The following FBXW8 variants were observed in gnomAD, a reference collection of about 807,000 sequenced individuals.
FBXW8 encodes the protein F-box/WD repeat-containing protein 8.
A neutral mutation model predicts 65.3 loss-of-function variants in FBXW8; 57 were observed. The observed-to-expected ratio is 0.87, with a 90% CI of 0.71 to 1.09. The LOEUF is 1.09. FBXW8 is among the 50% of genes least tolerant of loss of function. The probability of loss-of-function intolerance (pLI) is 0.00; values close to 1 mark genes in which losing one functional copy is unlikely to be tolerated. For missense variants in FBXW8, 777 were observed against 814.8 expected (o/e 0.95, Z 0.57); for synonymous variants, 308 against 330.2 (o/e 0.93, Z 0.73).
chr12:116,970,772 G>A (rs1884603671), intron 5 of FBXW8, among the ~76,000 whole-genome samples: 1 of 152,138 alleles, frequency 6.6e-6, no homozygotes, highest in Admixed American at 6.5e-5. Context: ...CATTGCTTGC[G>A]AGAAGGCTAA....
At chr12:116,970,951 T>A (rs1884612572) in intron 5 of FBXW8, among the ~76,000 whole-genome samples, 1 of 152,166 alleles carries the variant, frequency 6.6e-6, no homozygotes, top group African/African-American at 2.4e-5. Flanking sequence ...CAAAACAGAA[T>A]GAGACAACTT....
At chr12:116,968,990 C>T (rs953128685) in intron 5 of FBXW8, among the ~76,000 whole-genome samples, 3 of 152,082 alleles carry the variant, frequency 2.0e-5, no homozygotes, top group Non-Finnish European at 4.4e-5. Flanking sequence ...TTCTACCTAA[C>T]TGGTTTGAGG....
intron 7 of FBXW8, among the ~76,000 whole-genome samples, chr12:117,009,735 C>A (rs913743687): frequency 2.6e-5 from 4 of 152,128 alleles, no homozygotes; most frequent in African/African-American, 4.8e-5. Flanking sequence ...TACTTTCATA[C>A]CCTATGGAAC....
rs879045585 is a variant in FBXW8 at position 117,028,172 on chromosome 12, G to A, written c.1797G>A (p.Ter599=). The change falls in exon 11 of 11, where the codon TAG becomes TAA. Residue 599 remains the stop codon, a stop_retained_variant. Transcript: ENST00000652555. This position sits in a 1 kb window ranked among gnomAD's most constrained non-coding sequence, Gnocchi z 4.1. ...LALAFPYNHV[*] Reference sequence around the variant, plus strand: ...TGGCCTTTCCCTATAACCATGTTTAGGGATGTGCCTCAGTTGGGAGCAAGG... The same window carrying A: ...TGGCCTTTCCCTATAACCATGTTTAAGGATGTGCCTCAGTTGGGAGCAAGG... The A allele has an allele frequency of 6.8e-6, 11 of 1,613,774 alleles. No individual in the cohort carries two copies. The highest frequency in any genetic ancestry group is 6.6e-5 in the South Asian group (6 of 91,080).
At chr12:116,960,051 T>A (rs921955466) in intron 4 of FBXW8, among the ~76,000 whole-genome samples, 12 of 152,228 alleles carry the variant, frequency 7.9e-5, no homozygotes, top group Non-Finnish European at 1.5e-5. Flanking sequence ...CATAGTGGCA[T>A]CTTAATTGGT....
At chr12:117,026,586 C>T (rs538443441) in intron 9 of FBXW8, among the ~76,000 whole-genome samples, 6 of 147,264 alleles carry the variant, frequency 4.1e-5, no homozygotes, top group South Asian at 2.2e-4. Context: ...ACACAGGCCT[C>T]GTCCCCTCCT....
At chr12:117,000,422 T>A (rs573303885) in intron 7 of FBXW8, among the ~76,000 whole-genome samples, 1 of 152,240 alleles carries the variant, frequency 6.6e-6, no homozygotes, top group Non-Finnish European at 1.5e-5. Context: ...AAAGGCAGTA[T>A]AGGTAGAGCA....
intron 8 of FBXW8, among the ~76,000 whole-genome samples, chr12:117,022,868 T>C (rs2135724453): frequency 6.6e-6 from 1 of 152,346 alleles, no homozygotes; most frequent in East Asian, 1.9e-4. Flanking sequence ...ATGCATAGCA[T>C]ATATTTTTAC....
intron 6 of FBXW8, 154 bp downstream of exon 6, chr12:116,985,556 G>A (rs776784141): frequency 2.8e-6 from 2 of 713,956 alleles, no homozygotes; most frequent in Non-Finnish European, 4.5e-6. Context: ...AAAATAGGTA[G>A]TAGCATTTTC....
At chr12:117,026,872 G>A (rs1954245118) in intron 9 of FBXW8, among the ~76,000 whole-genome samples, 1 of 152,204 alleles carries the variant, frequency 6.6e-6, no homozygotes, top group African/African-American at 2.4e-5. Flanking sequence ...CTGTTCAAGA[G>A]ACTTGGAACC....
At chr12:116,968,676 C>CTT (rs1884471135) in intron 5 of FBXW8, among the ~76,000 whole-genome samples, 7 of 152,200 alleles carry the variant, frequency 4.6e-5, no homozygotes, top group Non-Finnish European at 2.9e-5. Flanking sequence ...CTCTTACCAG[C>CTT]AAGCCATGAG....
At chr12:116,975,324 A>G (rs986749162) in intron 5 of FBXW8, among the ~76,000 whole-genome samples, 1 of 152,232 alleles carries the variant, frequency 6.6e-6, no homozygotes, top group Non-Finnish European at 1.5e-5. Flanking sequence ...TGGAGGCTGG[A>G]AAGTCCAAGA....
intron 2 of FBXW8, 125 bp from the exon 3 acceptor site, chr12:116,945,235 GTTTT>G: frequency 1.2e-6 from 1 of 823,620 alleles, no homozygotes; most frequent in Non-Finnish European, 1.8e-6. Flanking sequence ...ACCTCATAGT[GTTTT>G]GTTAATGAGA....
chr12:116,934,735 G>C (rs1446832619), intron 2 of FBXW8, among the ~76,000 whole-genome samples: 1 of 152,166 alleles, frequency 6.6e-6, no homozygotes, highest in Non-Finnish European at 1.5e-5. Context: ...CATAACTACA[G>C]AACAGTAGCA....
At chr12:117,026,795 T>C (rs1286708196) in intron 9 of FBXW8, among the ~76,000 whole-genome samples, 1 of 152,252 alleles carries the variant, frequency 6.6e-6, no homozygotes, top group Non-Finnish European at 1.5e-5. Flanking sequence ...TTTAATCCAG[T>C]GTCTCCTAGC....
At chr12:117,021,900 C>T (rs1420255729) in intron 8 of FBXW8, among the ~76,000 whole-genome samples, 1 of 152,198 alleles carries the variant, frequency 6.6e-6, no homozygotes. Context: ...CTTCCATGGA[C>T]GTGACTGCCT....
chr12:116,978,544 T>G (rs140845850), intron 5 of FBXW8: 3 of 152,342 alleles, frequency 2.0e-5, no homozygotes, highest in Non-Finnish European at 4.4e-5. Context: ...ATAGTCAACT[T>G]CATTCAGTAT....
chr12:116,948,369 A>G (rs1392966245), intron 3 of FBXW8, among the ~76,000 whole-genome samples: 1 of 152,164 alleles, frequency 6.6e-6, no homozygotes, highest in East Asian at 1.9e-4. Flanking sequence ...CTTGTAGGAC[A>G]GCTCCACGTG....
chr12:116,949,579 G>T (rs778152410), intron 3 of FBXW8, 39 bp from the exon 4 acceptor site: 1 of 1,591,994 alleles, frequency 6.3e-7, no homozygotes, highest in Admixed American at 1.7e-5. Context: ...GGGCTGTCCC[G>T]AGAGCAGTCT....
Sources: gnomAD v4.1 joint callset for allele counts (sites outside exome capture counted in the v4.1 genomes callset) on GRCh38, gnomAD v4.1.1 for gene constraint, Gnocchi (gnomAD v3.1) non-coding constraint, MANE v1.5 for transcripts, NCBI Gene and HGNC (gene_info 2026-07-23, HGNC 2026-07-21) for gene names.